OPCML: variants seen among roughly 807,000 people sequenced by gnomAD.
The protein encoded by OPCML is opioid binding protein/cell adhesion molecule like, also known as opioid-binding protein/cell adhesion molecule.
Under a neutral mutation model 37.8 loss-of-function variants are expected in OPCML, and 13 were observed. That is an observed-to-expected ratio of 0.34 (90% CI 0.22 to 0.55). OPCML has a LOEUF of 0.55. Among genes scored for constraint, OPCML ranks in the 20% least tolerant of loss-of-function variants. The pLI is 0.91. For synonymous variants in OPCML, 176 were observed against 168.8 expected, an observed-to-expected ratio of 1.04 and a Z score of -0.33; for missense variants, 341 against 435.6, an observed-to-expected ratio of 0.78 and a Z score of 1.93.
intron 1 of OPCML, among the ~76,000 whole-genome samples, chr11:133,088,409 C>T (rs946437703): frequency 4.6e-5 from 7 of 152,200 alleles, no homozygotes; most frequent in Non-Finnish European, 8.8e-5. Context: ...GTGCTGTGCC[C>T]ATGATGTGGG....
At chr11:132,995,545 G>A (rs1264097337) in intron 1 of OPCML, among the ~76,000 whole-genome samples, 7 of 151,300 alleles carry the variant, frequency 4.6e-5, no homozygotes, top group African/African-American at 1.7e-4. Context: ...TATGATTGAA[G>A]GAGAGCAGGG....
chr11:133,468,634 T>C (rs562869917), intron 1 of OPCML, among the ~76,000 whole-genome samples: 10 of 152,314 alleles, frequency 6.6e-5, no homozygotes, highest in African/African-American at 2.4e-4. Flanking sequence ...ATACAAATTG[T>C]GTTTGACTGA....
At chr11:133,226,384 G>A (rs1463194729) in intron 1 of OPCML, among the ~76,000 whole-genome samples, 1 of 152,226 alleles carries the variant, frequency 6.6e-6, no homozygotes, top group Non-Finnish European at 1.5e-5. Context: ...CCAGGACAGA[G>A]CCCCCTTCTT....
intron 2 of OPCML, among the ~76,000 whole-genome samples, chr11:132,845,289 A>G (rs1188365637): frequency 6.6e-6 from 1 of 152,078 alleles, no homozygotes; most frequent in African/African-American, 2.4e-5. Context: ...CTGCATTGCC[A>G]TTTACCGCAT....
intron 1 of OPCML, among the ~76,000 whole-genome samples, chr11:133,103,704 C>T (rs890569564): frequency 6.6e-6 from 1 of 152,224 alleles, no homozygotes; most frequent in African/African-American, 2.4e-5. Context: ...CATCTCCCCA[C>T]TCACTATTAC....
chr11:133,138,764 C>G (rs1949728247), intron 1 of OPCML, among the ~76,000 whole-genome samples: 1 of 152,172 alleles, frequency 6.6e-6, no homozygotes, highest in Non-Finnish European at 1.5e-5. Context: ...CGAACCCTCT[C>G]TAAGACCCTC....
intron 1 of OPCML, among the ~76,000 whole-genome samples, chr11:133,086,101 A>G (rs1300976606): frequency 6.6e-6 from 1 of 152,240 alleles, no homozygotes; most frequent in African/African-American, 2.4e-5. Context: ...TATATTTCAA[A>G]TATGCAGATC....
chr11:132,861,684 A>G (rs1409145273), intron 2 of OPCML, among the ~76,000 whole-genome samples: 1 of 151,996 alleles, frequency 6.6e-6, no homozygotes, highest in East Asian at 1.9e-4. Flanking sequence ...AAATACAAAA[A>G]ATTAGCCAGG....
In OPCML at chr11:133,279,455, T is replaced by G. The variant is rs113227957; in HGVS notation, c.61+252809A>C. Among the ~76,000 whole-genome samples the G allele has an allele frequency of 1.4e-3, 218 of 152,292 alleles. 1 individual carries two copies. Among genetic ancestry groups the G allele is most frequent in the African/African-American group, 5.0e-3 (207 of 41,566 alleles). On this transcript the variant is annotated intron_variant, in intron 1 of 7. Coordinates refer to ENST00000524381, the MANE Select transcript of OPCML (RefSeq NM_001012393.5). ...CCAACATTAATTTCCTGTCTTCCAGTCTGAACACTCCTGATAAGCAGCCGT... is the reference window on the plus strand; with the variant it reads ...CCAACATTAATTTCCTGTCTTCCAGGCTGAACACTCCTGATAAGCAGCCGT...
intron 1 of OPCML, among the ~76,000 whole-genome samples, chr11:133,081,662 G>T (rs1257633865): frequency 6.6e-6 from 1 of 152,140 alleles, no homozygotes; most frequent in African/African-American, 2.4e-5. Flanking sequence ...GCTCTAGGGG[G>T]ATCCTGCTAC....
intron 3 of OPCML, 165 bp from the exon 4 acceptor site, chr11:132,529,351 C>A: frequency 2.8e-6 from 1 of 357,890 alleles, no homozygotes; most frequent in Non-Finnish European, 3.9e-6. Flanking sequence ...TATACATTTA[C>A]CTTGTATTTA....
rs191667077 is a variant in OPCML, at chr11:133,154,860, C to T, written c.62-211850G>A. The stretch of plus-strand genomic sequence containing the variant: ...AGATGAGAATCAAAGTTTCTGTGAA[C>T]GGAAGACACGGCTCTGCATTGCCTT... On this transcript the variant is annotated intron_variant, in intron 1 of 7. Transcript: ENST00000524381. Among the ~76,000 whole-genome samples, 235 of 152,080 alleles carry T rather than the reference C, an allele frequency of 1.5e-3. 2 individuals are homozygous for T. Among genetic ancestry groups the T allele is most frequent in the African/African-American group, 5.4e-3 (226 of 41,498 alleles).
intron 2 of OPCML, among the ~76,000 whole-genome samples, chr11:132,720,613 T>A (rs535464030): frequency 1.3e-5 from 2 of 152,224 alleles, no homozygotes; most frequent in East Asian, 3.9e-4. Context: ...ATTTCTCTAA[T>A]TGGCTCGCTA....
chr11:133,207,686 G>T (rs1277232639), intron 1 of OPCML, among the ~76,000 whole-genome samples: 1 of 152,144 alleles, frequency 6.6e-6, no homozygotes, highest in Non-Finnish European at 1.5e-5. Flanking sequence ...TGCCACTGGT[G>T]CCATAAGTCT....
At chr11:132,923,625 A>T (rs1484729383) in intron 2 of OPCML, among the ~76,000 whole-genome samples, 1 of 152,176 alleles carries the variant, frequency 6.6e-6, no homozygotes, top group Non-Finnish European at 1.5e-5. Flanking sequence ...GGTCACAAAT[A>T]TATACATGTC....
At chr11:132,959,738 G>C (rs1946053170) in intron 1 of OPCML, among the ~76,000 whole-genome samples, 1 of 152,166 alleles carries the variant, frequency 6.6e-6, no homozygotes, top group Non-Finnish European at 1.5e-5. Flanking sequence ...ATTTAGAAGT[G>C]GCACCTTAAA....
At chr11:133,405,680 C>G (rs4519098) in intron 1 of OPCML, among the ~76,000 whole-genome samples, 56,309 of 151,996 alleles carry the variant, frequency 0.37, 14,246 homozygotes, top group African/African-American at 0.72. Context: ...TCCCATATTC[C>G]TGCCTTGGGC....
chr11:132,785,825 G>A (rs1441982722), intron 2 of OPCML, among the ~76,000 whole-genome samples: 2 of 152,178 alleles, frequency 1.3e-5, no homozygotes, highest in African/African-American at 2.4e-5. Flanking sequence ...CCTACAGAGG[G>A]AGACCTCAGA....
intron 2 of OPCML, among the ~76,000 whole-genome samples, chr11:132,679,562 G>C (rs1163648219): frequency 6.6e-6 from 1 of 152,194 alleles, no homozygotes; most frequent in East Asian, 1.9e-4. Context: ...ACAGAAAATA[G>C]TTGCTTGATT....
Sources: allele counts gnomAD v4.1 joint callset (sites outside exome capture counted in the v4.1 genomes callset), GRCh38; gene constraint gnomAD v4.1.1; transcripts MANE v1.5; gene names NCBI Gene and HGNC (gene_info 2026-07-23, HGNC 2026-07-21).